CTNND2: variants seen among roughly 807,000 people sequenced by gnomAD.
CTNND2 encodes catenin delta-2.
In CTNND2, 22 loss-of-function variants were observed where a neutral mutation model predicts 144.4. The ratio of observed to expected loss-of-function variants is 0.15; its 90% CI spans 0.11 to 0.22. CTNND2 has a LOEUF of 0.22. Among genes scored for constraint, CTNND2 ranks in the 10% least tolerant of loss-of-function variants. The pLI is 1.00. For missense variants in CTNND2, 1,353 were observed against 1,618.8 expected (o/e 0.84, Z 2.82); for synonymous variants, 751 against 695.6 (o/e 1.08, Z -1.25).
chr5:11,455,885 C>T (rs1036362379), intron 3 of CTNND2, among the ~76,000 whole-genome samples: 1 of 152,260 alleles, frequency 6.6e-6, no homozygotes, highest in South Asian at 2.1e-4. Context: ...TGAGAAATAA[C>T]ACAAGATTAC....
intron 3 of CTNND2, among the ~76,000 whole-genome samples, chr5:11,470,709 T>A (rs1046501567): frequency 1.3e-5 from 2 of 151,898 alleles, no homozygotes; most frequent in Middle Eastern, 3.2e-3. Context: ...TCCTCAAGCT[T>A]TCCTTATTTT....
chr5:11,686,646 A>G (rs1309444890), intron 2 of CTNND2, among the ~76,000 whole-genome samples: 1 of 151,916 alleles, frequency 6.6e-6, no homozygotes, highest in Non-Finnish European at 1.5e-5. Context: ...AGGAGAAGAA[A>G]TGTAATAAAT....
intron 10 of CTNND2, among the ~76,000 whole-genome samples, chr5:11,222,162 G>A (rs983074198): frequency 6.6e-6 from 1 of 152,166 alleles, no homozygotes; most frequent in African/African-American, 2.4e-5. Context: ...TTTTGTGGGT[G>A]GGTGGAGAGG....
At chr5:11,509,801 G>T (rs1183159366) in intron 3 of CTNND2, among the ~76,000 whole-genome samples, 1 of 152,182 alleles carries the variant, frequency 6.6e-6, no homozygotes, top group Non-Finnish European at 1.5e-5. Flanking sequence ...CAGGTGCTAC[G>T]GAGGAATGTT....
chr5:11,729,969 G>GCTTGCATCTTTCTT (rs11271451), intron 2 of CTNND2, among the ~76,000 whole-genome samples: 48,211 of 151,710 alleles, frequency 0.32, 11,360 homozygotes, highest in African/African-American at 0.67. Context: ...TTCATTACTT[G>GCTTGCATCTTTCTT]CTTGCATCTT....
intron 16 of CTNND2, among the ~76,000 whole-genome samples, chr5:11,032,360 G>A (rs1323799898): frequency 4.6e-5 from 7 of 152,040 alleles, no homozygotes; most frequent in Non-Finnish European, 1.0e-4. Context: ...TTTCTCTTTT[G>A]GGAAGTATTT....
At chr5:11,102,945 G>T (rs74796037) in intron 14 of CTNND2, among the ~76,000 whole-genome samples, 6,026 of 144,606 alleles carry the variant, frequency 0.042, 151 homozygotes, top group Middle Eastern at 0.06. Flanking sequence ...TTGCTTCCAT[G>T]CAGGGCTTAA....
At chr5:11,117,055 C>G (rs564209657) in intron 13 of CTNND2, among the ~76,000 whole-genome samples, 1 of 149,486 alleles carries the variant, frequency 6.7e-6, no homozygotes, top group Non-Finnish European at 1.5e-5. Context: ...GGTGACAGAG[C>G]GAGACTCTGT....
intron 7 of CTNND2, among the ~76,000 whole-genome samples, chr5:11,367,050 T>A (rs567424573): frequency 3.3e-5 from 5 of 152,236 alleles, no homozygotes; most frequent in Non-Finnish European, 7.3e-5. Context: ...ACTATCTGAA[T>A]AGGATACTAT....
chr5:11,239,645 G>A (rs1399931483), intron 9 of CTNND2, among the ~76,000 whole-genome samples: 2 of 152,222 alleles, frequency 1.3e-5, no homozygotes, highest in Non-Finnish European at 2.9e-5. Context: ...ACACTCCCAT[G>A]ACCTTGGAGG....
intron 12 of CTNND2, among the ~76,000 whole-genome samples, chr5:11,119,708 A>C (rs1753887225): frequency 6.6e-6 from 1 of 152,240 alleles, no homozygotes; most frequent in Non-Finnish European, 1.5e-5. Flanking sequence ...TGGCCAGAAG[A>C]ACTTTGCATG....
chr5:11,089,918 A>G (rs775080101), intron 15 of CTNND2, among the ~76,000 whole-genome samples: 1 of 152,218 alleles, frequency 6.6e-6, no homozygotes, highest in African/African-American at 2.4e-5. Context: ...CTGAGGCAGG[A>G]GAATCCCTTG....
chr5:11,085,135 G>A (rs1289344017), intron 15 of CTNND2, among the ~76,000 whole-genome samples: 2 of 152,176 alleles, frequency 1.3e-5, no homozygotes, highest in African/African-American at 2.4e-5. Flanking sequence ...GGAGAATAAT[G>A]GGAATCCTTC....
Position 10,973,972 on chromosome 5 carries a change from T to C in CTNND2, c.3418-259A>G, listed in dbSNP as rs1435866499. ...ACATAAAACAGCTTGCTTTAAGAAATGTTGAAGTGTAAGATTAATTAGGTG... is the reference window on the plus strand; with the variant it reads ...ACATAAAACAGCTTGCTTTAAGAAACGTTGAAGTGTAAGATTAATTAGGTG... On this transcript the variant is annotated intron_variant, in intron 21 of 21. Transcript: ENST00000304623. This position sits in a 1 kb window ranked among gnomAD's most constrained non-coding sequence, Gnocchi z 5.6. 6.6e-6 allele frequency among the ~76,000 whole-genome samples: 1 copy of C among 152,220 alleles called. No individual in the cohort carries two copies. Among genetic ancestry groups the C allele is most frequent in the African/African-American group, 2.4e-5 (1 of 41,460 alleles).
chr5:11,081,367 T>G (rs965463500), intron 16 of CTNND2, among the ~76,000 whole-genome samples: 5 of 152,220 alleles, frequency 3.3e-5, no homozygotes, highest in Admixed American at 2.6e-4. Context: ...GAAATGTTAA[T>G]CAGCTTGATT....
intron 16 of CTNND2, among the ~76,000 whole-genome samples, chr5:11,063,934 C>T (rs1747276013): frequency 6.6e-6 from 1 of 152,136 alleles, no homozygotes; most frequent in African/African-American, 2.4e-5. Context: ...TACGCTGACA[C>T]AGGCATCCTC....
At chr5:11,456,315 GC>G (rs1765731180) in intron 3 of CTNND2, among the ~76,000 whole-genome samples, 1 of 143,196 alleles carries the variant, frequency 7.0e-6, no homozygotes, top group African/African-American at 2.8e-5. Context: ...CCTTTTTGAT[GC>G]TTTTTTTTTT....
At position 11,689,339 on chromosome 5, in the gene CTNND2, T is replaced by C. The variant is rs535337851; in HGVS notation, c.174+42797A>G. Among the ~76,000 whole-genome samples the C allele has an allele frequency of 2.7e-3, 410 of 152,344 alleles. 3 individuals carry two copies. The highest frequency in any genetic ancestry group is 9.5e-3 in the African/African-American group (393 of 41,580). ...TGGTAGAGTATTAAAAATGATGAAC[T>C]GTTCTATGATGGTAAAACATAATTA... On this transcript the variant is annotated intron_variant, in intron 2 of 21. Transcript: ENST00000304623.
At chr5:11,237,798 T>G (rs1464189186) in intron 9 of CTNND2, among the ~76,000 whole-genome samples, 12 of 152,242 alleles carry the variant, frequency 7.9e-5, no homozygotes, top group Admixed American at 7.8e-4. Context: ...AATGTTGTGA[T>G]AGCAGCCAAT....
Sources: gnomAD v4.1 joint callset for allele counts (sites outside exome capture counted in the v4.1 genomes callset) on GRCh38, gnomAD v4.1.1 for gene constraint, Gnocchi (gnomAD v3.1) non-coding constraint, MANE v1.5 for transcripts, NCBI Gene and HGNC (gene_info 2026-07-23, HGNC 2026-07-21) for gene names.